The following ALOXE3 variants were observed in gnomAD, a reference collection of about 807,000 sequenced individuals.
ALOXE3 encodes the protein hydroperoxide isomerase ALOXE3.
ALOXE3 carries 78 observed loss-of-function variants against 87.5 expected under a neutral mutation model. That is an observed-to-expected ratio of 0.89 (90% CI 0.74 to 1.08). The LOEUF (loss-of-function observed/expected upper bound fraction) is 1.08, where lower values mean the gene tolerates loss of function less well. Ranked by LOEUF, ALOXE3 falls within the 50% of genes least tolerant of loss-of-function variation. ALOXE3 has a pLI of 0.00. For missense variants in ALOXE3, 946 were observed against 912.4 expected, an observed-to-expected ratio of 1.04 and a Z score of -0.47; for synonymous variants, 363 against 370.8, an observed-to-expected ratio of 0.98 and a Z score of 0.24.
chr17:8,104,295 A>G, intron 13 of ALOXE3, 80 bp from the exon 14 acceptor site: 1 of 1,076,826 alleles, frequency 9.3e-7, no homozygotes, highest in Non-Finnish European at 1.4e-6. Context: ...GGGGCTCACC[A>G]CAGGGGGAAA....
At chr17:8,110,571 G>T (rs778296206) in intron 8 of ALOXE3, 43 bp from the exon 9 acceptor site, 32 of 1,612,550 alleles carry the variant, frequency 2.0e-5, no homozygotes, top group Non-Finnish European at 2.7e-5. Flanking sequence ...CCCTACTCGC[G>T]CTCCACTTCC....
In ALOXE3 at chr17:8,116,899, AG is replaced by A; in HGVS notation, c.228del (p.Phe77SerfsTer37). The A allele has an allele frequency of 6.2e-7, 1 of 1,614,270 alleles. No individual in the cohort carries two copies. ...LLRVHKERYAFFRKDSWYCSR... is the reference protein window; with the variant it reads ...LLRVHKERYAXFRKDSWYCSR... ...CTACAGTACCAAGAGTCCTTGCGGA[AG>A]AAAGCGTAGCGCTCCTTGTGTACAC... On this transcript the variant is annotated frameshift_variant, in exon 3 of 16. Transcript: ENST00000448843. LOFTEE classifies it high-confidence loss of function.
intron 3 of ALOXE3, among the ~76,000 whole-genome samples, chr17:8,116,132 G>A (rs3027220): frequency 1.5e-4 from 23 of 152,152 alleles, no homozygotes; most frequent in African/African-American, 5.1e-4. Context: ...AACTTATTAC[G>A]GACCATGGGG....
intron 15 of ALOXE3, among the ~76,000 whole-genome samples, chr17:8,102,494 G>T (rs577400063): frequency 2.0e-5 from 3 of 152,090 alleles, no homozygotes; most frequent in African/African-American, 7.2e-5. Flanking sequence ...CTCCATGTGG[G>T]GGGGTGGGGG....
chr17:8,118,127 T>C lies in ALOXE3; in HGVS notation c.-137A>G. The C allele has an allele frequency of 6.4e-7, 1 of 1,551,678 alleles. No individual in the cohort carries two copies. Among genetic ancestry groups the C allele is most frequent in the Non-Finnish European group, 8.7e-7 (1 of 1,147,308 alleles). Reference sequence around the variant, plus strand: ...CTGCGGGGCTGGGTAGGGCTGAGGATGGGCCCAGCTCTCTCTGGGATGTTC... The same window carrying C: ...CTGCGGGGCTGGGTAGGGCTGAGGACGGGCCCAGCTCTCTCTGGGATGTTC... On this transcript the variant is annotated 5_prime_UTR_variant, in exon 2 of 16. Coordinates refer to ENST00000448843, the MANE Select transcript of ALOXE3 (RefSeq NM_021628.3).
At chr17:8,097,747 C>CT (rs60450170) in intron 15 of ALOXE3, among the ~76,000 whole-genome samples, 10,979 of 129,420 alleles carry the variant, frequency 0.085, 599 homozygotes, top group Middle Eastern at 0.16. Context: ...TACTACTGAT[C>CT]TTTTTTTTTT....
chr17:8,116,391 C>A (rs1350119891), intron 3 of ALOXE3, among the ~76,000 whole-genome samples: 1 of 152,208 alleles, frequency 6.6e-6, no homozygotes, highest in African/African-American at 2.4e-5. Context: ...CAGCTAAAAT[C>A]TCTGAGCAGC....
At chr17:8,107,925 GAAA>G (rs1979549591) in intron 13 of ALOXE3, among the ~76,000 whole-genome samples, 4 of 5,460 alleles carry the variant, frequency 7.3e-4, no homozygotes, top group Admixed American at 1.6e-3. Flanking sequence ...AAGAAAGAAA[GAAA>G]GAAAGAAAGA....
At chr17:8,111,105 C>T (rs752580765) in intron 8 of ALOXE3, among the ~76,000 whole-genome samples, 2 of 151,750 alleles carry the variant, frequency 1.3e-5, no homozygotes, top group African/African-American at 4.9e-5. Context: ...TCAAAGATGT[C>T]CCTGCAGCCA....
chr17:8,100,154 C>T (rs943940360), intron 15 of ALOXE3, among the ~76,000 whole-genome samples: 14 of 150,964 alleles, frequency 9.3e-5, no homozygotes, highest in African/African-American at 2.7e-4. Flanking sequence ...GAGGGAGGGA[C>T]GGAAGCAAAA....
At chr17:8,116,633 C>T in intron 3 of ALOXE3, 143 bp downstream of exon 3, 1 of 1,023,758 alleles carries the variant, frequency 9.8e-7, no homozygotes, top group Non-Finnish European at 1.5e-6. Flanking sequence ...TGAGAGGCTC[C>T]CTTTTTTCAG....
chr17:8,111,166 T>G (rs1027085522), intron 8 of ALOXE3, among the ~76,000 whole-genome samples, 193 bp downstream of exon 8: 1 of 152,118 alleles, frequency 6.6e-6, no homozygotes, highest in Non-Finnish European at 1.5e-5. Flanking sequence ...CCTCAAAGCC[T>G]CCCAACCCCA....
At chr17:8,103,782 C>A (rs776771918) in intron 14 of ALOXE3, among the ~76,000 whole-genome samples, 6 of 151,860 alleles carry the variant, frequency 4.0e-5, no homozygotes, top group Non-Finnish European at 8.8e-5. Context: ...AGGAGGTGGC[C>A]CCAGAGTGGA....
intron 8 of ALOXE3, 89 bp downstream of exon 8, chr17:8,111,270 T>C: frequency 3.2e-6 from 5 of 1,544,834 alleles, no homozygotes; most frequent in African/African-American, 1.4e-5. Context: ...GCCCAGGCCA[T>C]TTCCATACCC....
In ALOXE3 at chr17:8,109,306, A is replaced by T. The variant is rs758480121; in HGVS notation, c.1430T>A (p.Met477Lys). 1 of 1,613,960 alleles carries T rather than the reference A, an allele frequency of 6.2e-7. No individual in the cohort carries two copies. Among genetic ancestry groups the T allele is most frequent in the Non-Finnish European group, 8.5e-7 (1 of 1,180,044 alleles). Reference protein sequence around the residue: ...SIGRQGLIYLMSTGLAHFTYT... With the variant: ...SIGRQGLIYLKSTGLAHFTYT... ...GGTGAAGTGGGCCAGGCCCGTGCTC[A>T]TGAGGTAGATGAGGCCTTGCCTCCC... The change falls in exon 12 of 16, where the codon ATG becomes AAG. Residue 477 changes from methionine to lysine, a missense_variant. Coordinates refer to ENST00000448843, the MANE Select transcript of ALOXE3 (RefSeq NM_021628.3).
In ALOXE3 at chr17:8,103,224, A is replaced by C. The variant is rs143491230; in HGVS notation, c.1956+99T>G. Reference sequence around the variant, plus strand: ...CCAAGGCAGTTCTGCAGTGAACATAAATCCCGTCGATCAGTCCTCAAGCCC... The same window carrying C: ...CCAAGGCAGTTCTGCAGTGAACATACATCCCGTCGATCAGTCCTCAAGCCC... On this transcript the variant is annotated intron_variant, in intron 15 of 15. Transcript: ENST00000448843. The C allele has an allele frequency of 7.7e-4, 1,081 of 1,408,402 alleles. 3 individuals are homozygous for C. Among genetic ancestry groups the C allele is most frequent in the Middle Eastern group, 5.0e-3 (26 of 5,210 alleles). 87.2% of individuals were successfully genotyped at this position (1,408,402 alleles called of 1,614,324 possible). A position where few individuals can be genotyped will look rare whatever the true frequency, so the allele number is the denominator to read the frequency against.
rs753600910 is a variant in ALOXE3, at chr17:8,110,444, C to G, written c.1042G>C (p.Ala348Pro). 1 of 1,612,878 alleles carries G rather than the reference C, an allele frequency of 6.2e-7. No homozygotes were observed. Among genetic ancestry groups the G allele is most frequent in the South Asian group, 1.1e-5 (1 of 90,964 alleles). The change falls in exon 9 of 16, where the codon GCC becomes CCC. Residue 348 changes from alanine (A) to proline (P), a missense_variant. Physicochemically the swap from Ala to Pro is conservative, Grantham distance 27 (BLOSUM62 -1). Coordinates refer to ENST00000448843, the MANE Select transcript of ALOXE3 (RefSeq NM_021628.3). ...CTGAGCCACAGCAGGCACAGTGGGGCGGCCACGTACTGCTGGCGGCCGTTT... is the reference window on the plus strand; with the variant it reads ...CTGAGCCACAGCAGGCACAGTGGGGGGGCCACGTACTGCTGGCGGCCGTTT... ...CLNGRQQYVA[A>P]PLCLLWLSPQ...
In ALOXE3 at chr17:8,112,203, G is replaced by A. The variant is rs1980156845; in HGVS notation, c.681-7C>T. On this transcript the variant is annotated splice_region_variant and splice_polypyrimidine_tract_variant and intron_variant, in intron 6 of 15. Coordinates refer to ENST00000448843, the MANE Select transcript of ALOXE3 (RefSeq NM_021628.3). ...AAGCTTCATTCCCAAGGACCTGATG[G>A]GAGAGGAAAAGATGAGGGTGAGGTC... 1 of 1,610,928 alleles carries A rather than the reference G, an allele frequency of 6.2e-7. No individual in the cohort carries two copies. The highest frequency in any genetic ancestry group is 8.5e-7 in the Non-Finnish European group (1 of 1,177,088).
chr17:8,118,024 T>C lies in ALOXE3; in HGVS notation c.-34A>G. 6.2e-7 allele frequency: 1 copy of C among 1,605,492 alleles called. No individual in the cohort carries two copies. Among genetic ancestry groups the C allele is most frequent in the Non-Finnish European group, 8.5e-7 (1 of 1,178,142 alleles). ...GGAGGAAGGGATGCCCCGGCAACGC[T>C]GGCCGCAGCAGCAGCCGGCCTGGAG... On this transcript the variant is annotated 5_prime_UTR_variant, in exon 2 of 16. Coordinates refer to ENST00000448843, the MANE Select transcript of ALOXE3 (RefSeq NM_021628.3).
Sources: allele counts gnomAD v4.1 joint callset (sites outside exome capture counted in the v4.1 genomes callset), GRCh38; gene constraint gnomAD v4.1.1; transcripts MANE v1.5; gene names NCBI Gene and HGNC (gene_info 2026-07-23, HGNC 2026-07-21).